The following NXPE4 variants were observed in gnomAD, a reference collection of about 807,000 sequenced individuals.
NXPE4 encodes neurexophilin and PC-esterase domain family member 4.
NXPE4 carries 42 observed loss-of-function variants against 33.3 expected under a neutral mutation model. That is an observed-to-expected ratio of 1.26 (90% CI 0.98 to 1.63). The LOEUF is 1.63. Among genes scored for constraint, NXPE4 ranks in the 40% most tolerant of loss-of-function variants. The pLI, the probability that NXPE4 is intolerant of heterozygous loss-of-function variation, is 0.00. For synonymous variants in NXPE4, 253 were observed against 234.9 expected, an observed-to-expected ratio of 1.08 and a Z score of -0.71; for missense variants, 709 against 647.6, an observed-to-expected ratio of 1.09 and a Z score of -1.03.
chr11:114,647,996 G>A, the NXPE4 span, among the ~76,000 whole-genome samples: 3 of 152,024 alleles, frequency 2.0e-5, no homozygotes, highest in Non-Finnish European at 4.4e-5. Flanking sequence ...CACTGTTGCC[G>A]GCCGACTTAA....
chr11:114,628,944 CACAT>C, the NXPE4 span, among the ~76,000 whole-genome samples: 2 of 152,014 alleles, frequency 1.3e-5, no homozygotes, highest in Admixed American at 1.3e-4. Context: ...AATTCCTCGA[CACAT>C]ACACCCTCCC....
At chr11:114,658,129 A>G in the NXPE4 span, among the ~76,000 whole-genome samples, 1 of 152,188 alleles carries the variant, frequency 6.6e-6, no homozygotes, top group African/African-American at 2.4e-5. Flanking sequence ...AATCCGGATA[A>G]TCTGCAAAAT....
chr11:114,653,650 C>T, the NXPE4 span, among the ~76,000 whole-genome samples: 3 of 151,846 alleles, frequency 2.0e-5, no homozygotes, highest in Non-Finnish European at 4.4e-5. Flanking sequence ...GCCTTAGCCT[C>T]CCGAGTAGCT....
the NXPE4 span, among the ~76,000 whole-genome samples, chr11:114,640,601 C>T: frequency 6.6e-6 from 1 of 151,942 alleles, no homozygotes; most frequent in African/African-American, 2.4e-5. Context: ...CTTTTCACCA[C>T]ATCTTCACGA....
At chr11:114,610,324 G>T in the NXPE4 span, among the ~76,000 whole-genome samples, 4 of 151,808 alleles carry the variant, frequency 2.6e-5, no homozygotes, top group East Asian at 7.8e-4. Flanking sequence ...GTTATCCGGT[G>T]AATAATAAGT....
the NXPE4 span, among the ~76,000 whole-genome samples, chr11:114,669,591 C>T: frequency 6.6e-6 from 1 of 152,048 alleles, no homozygotes; most frequent in African/African-American, 2.4e-5. Flanking sequence ...GAATACCAAG[C>T]TCCAATTATT....
At chr11:114,649,285 A>C in the NXPE4 span, among the ~76,000 whole-genome samples, 3 of 152,298 alleles carry the variant, frequency 2.0e-5, no homozygotes, top group East Asian at 5.8e-4. Context: ...TTGCACATAC[A>C]TGTTCTTAGA....
upstream of NXPE4, among the ~76,000 whole-genome samples, chr11:114,599,279 C>T (rs774800710): frequency 9.2e-5 from 14 of 152,158 alleles, no homozygotes; most frequent in Non-Finnish European, 2.1e-4. Context: ...GTAAGTTCCT[C>T]ATCTCCTTCT....
At chr11:114,609,672 G>A in the NXPE4 span, among the ~76,000 whole-genome samples, 1 of 151,176 alleles carries the variant, frequency 6.6e-6, no homozygotes, top group Admixed American at 6.6e-5. Flanking sequence ...TTACCCAGTG[G>A]ATAATAAGTA....
At chr11:114,586,262 T>C (rs1029112561) in intron 2 of NXPE4, among the ~76,000 whole-genome samples, 1 of 152,202 alleles carries the variant, frequency 6.6e-6, no homozygotes, top group Non-Finnish European at 1.5e-5. Context: ...TCACTCCTTG[T>C]ATGTCCATGT....
the NXPE4 span, among the ~76,000 whole-genome samples, chr11:114,640,073 TATATA>T: frequency 1.1e-4 from 13 of 116,250 alleles, no homozygotes; most frequent in South Asian, 1.0e-3. Context: ...TAAAATATAA[TATATA>T]ATATAATGTA....
the NXPE4 span, among the ~76,000 whole-genome samples, chr11:114,654,614 C>T: frequency 1.4e-4 from 22 of 152,134 alleles, no homozygotes; most frequent in Non-Finnish European, 1.3e-4. Flanking sequence ...AGGATGATGG[C>T]TTCCAGCTTC....
chr11:114,640,177 ATATAT>A, the NXPE4 span, among the ~76,000 whole-genome samples: 1 of 135,364 alleles, frequency 7.4e-6, no homozygotes, highest in African/African-American at 2.7e-5. Flanking sequence ...TAAATAATTT[ATATAT>A]TATATATAAT....
chr11:114,674,843 C>G, the NXPE4 span, among the ~76,000 whole-genome samples: 1 of 151,634 alleles, frequency 6.6e-6, no homozygotes, highest in Non-Finnish European at 1.5e-5. Context: ...GACAAGGACG[C>G]TAGGAGAAAA....
In NXPE4 at chr11:114,571,474, C is replaced by G. The variant is rs1213698791; in HGVS notation, c.1100-1G>C. 2 of 1,592,508 alleles carry G rather than the reference C, an allele frequency of 1.3e-6. No individual in the cohort carries two copies. Among genetic ancestry groups the G allele is most frequent in the Non-Finnish European group, 1.7e-6 (2 of 1,166,742 alleles). ...TCATGCAGATCCACTGACTTCAGTG[C>G]TGATAACAAATAGGCAATCCCAAAA... On this transcript the variant is annotated splice_acceptor_variant, in intron 5 of 5. Transcript: ENST00000375478. LOFTEE classifies it high-confidence loss of function.
At position 114,571,365 on chromosome 11, in the gene NXPE4, A is replaced by T; in HGVS notation, c.1208T>A (p.Ile403Lys). The T allele has an allele frequency of 1.2e-6, 2 of 1,614,026 alleles. No individual in the cohort carries two copies. The highest frequency in any genetic ancestry group is 2.2e-5 in the East Asian group (1 of 44,882). Residue 403 changes from isoleucine (I) to lysine (K), a missense_variant, in exon 6 of 6, where the codon ATA (isoleucine) becomes AAA (lysine). Physicochemically the swap from Ile to Lys is moderately radical, Grantham distance 102 (BLOSUM62 -3). Transcript: ENST00000375478. The stretch of plus-strand genomic sequence containing the variant: ...TTTGACTGAATAGGTCATTGATCCT[A>T]TCAAGGGATAACAATATTTTTGCCA... ...IQWQKYCYPL[I>K]GSMTYSVKEM...
At chr11:114,577,161 CATATAT>C (rs373459330) in intron 5 of NXPE4, among the ~76,000 whole-genome samples, 1 of 134,568 alleles carries the variant, frequency 7.4e-6, no homozygotes, top group Non-Finnish European at 1.6e-5. Context: ...ATATATGTGT[CATATAT>C]ATATATATAT....
chr11:114,676,432 T>G, the NXPE4 span, among the ~76,000 whole-genome samples: 2 of 151,804 alleles, frequency 1.3e-5, no homozygotes, highest in Non-Finnish European at 2.9e-5. Flanking sequence ...AATAATCCAA[T>G]TAGAAAATTG....
At chr11:114,662,336 G>C in the NXPE4 span, among the ~76,000 whole-genome samples, 1 of 152,260 alleles carries the variant, frequency 6.6e-6, no homozygotes, top group Admixed American at 6.5e-5. Flanking sequence ...CCCACAGATA[G>C]AGCATTTAAA....
Sources: gnomAD v4.1 joint callset for allele counts (sites outside exome capture counted in the v4.1 genomes callset) on GRCh38, gnomAD v4.1.1 for gene constraint, MANE v1.5 for transcripts, NCBI Gene and HGNC (gene_info 2026-07-23, HGNC 2026-07-21) for gene names.